The following QRFPR variants were observed in gnomAD, a reference collection of about 807,000 sequenced individuals.
QRFPR encodes pyroglutamylated RFamide peptide receptor, also known as pyroglutamylated RF-amide peptide receptor.
In QRFPR, 37 loss-of-function variants were observed where a neutral mutation model predicts 31.3. That is an observed-to-expected ratio of 1.18 (90% CI 0.91 to 1.56). QRFPR has a LOEUF of 1.56. QRFPR is among the 40% of genes most tolerant of loss of function. QRFPR has a pLI of 0.00. For synonymous variants in QRFPR, 197 were observed against 192.0 expected, an observed-to-expected ratio of 1.03 and a Z score of -0.22; for missense variants, 542 against 532.5, an observed-to-expected ratio of 1.02 and a Z score of -0.18.
chr4:121,358,509 C>T (rs1466415287), intron 1 of QRFPR, among the ~76,000 whole-genome samples: 1 of 152,124 alleles, frequency 6.6e-6, no homozygotes, highest in Non-Finnish European at 1.5e-5. Flanking sequence ...AACTTCCATA[C>T]ATATTTTATT....
At chr4:121,341,950 T>G (rs1725550916) in intron 1 of QRFPR, among the ~76,000 whole-genome samples, 1 of 152,174 alleles carries the variant, frequency 6.6e-6, no homozygotes, top group African/African-American at 2.4e-5. Flanking sequence ...GTCACTGTGA[T>G]GGTTAACTCT....
In QRFPR at chr4:121,330,390, G is replaced by A. The variant is rs767568403; in HGVS notation, c.895+36C>T. 4 of 1,379,136 alleles carry A rather than the reference G, an allele frequency of 2.9e-6. No homozygotes were observed. The African/African-American group carries it at 4.3e-5, about 15-fold the overall frequency. The allele number at this position is 1,379,136 out of a possible 1,614,324, so 85.4% of individuals were successfully genotyped here. A position where few individuals can be genotyped will look rare whatever the true frequency, so the allele number is the denominator to read the frequency against. Reference sequence around the variant, plus strand: ...TTGTCTATTCTAGCAGGAAATGAATGAGAATGTCTATCAAATGAGAATGAC... The same window carrying A: ...TTGTCTATTCTAGCAGGAAATGAATAAGAATGTCTATCAAATGAGAATGAC... On this transcript the variant is annotated intron_variant, in intron 5 of 5. Coordinates refer to ENST00000394427, the MANE Select transcript of QRFPR (RefSeq NM_198179.3).
intron 1 of QRFPR, among the ~76,000 whole-genome samples, chr4:121,348,567 C>T (rs1195972177): frequency 6.6e-6 from 1 of 151,926 alleles, no homozygotes; most frequent in Non-Finnish European, 1.5e-5. Context: ...AATTTCATGG[C>T]TTCTCATTTC....
intron 1 of QRFPR, among the ~76,000 whole-genome samples, chr4:121,343,444 C>A (rs527800573): frequency 6.6e-6 from 1 of 152,148 alleles, no homozygotes; most frequent in East Asian, 1.9e-4. Context: ...TTTCCCAAAA[C>A]AAAATCCTGT....
intron 1 of QRFPR, among the ~76,000 whole-genome samples, chr4:121,368,157 A>C (rs1487305536): frequency 6.7e-6 from 1 of 149,760 alleles, no homozygotes; most frequent in Admixed American, 6.6e-5. Flanking sequence ...GCATAAAGGG[A>C]TGAGGCTCAT....
chr4:121,348,414 CTTT>C (rs1351687273), intron 1 of QRFPR, among the ~76,000 whole-genome samples: 1 of 152,014 alleles, frequency 6.6e-6, no homozygotes, highest in African/African-American at 2.4e-5. Flanking sequence ...AGTGTTTGTT[CTTT>C]TAAGACTTCC....
Position 121,340,503 on chromosome 4 carries a change from G to T in QRFPR, c.448C>A (p.Pro150Thr). 1 of 1,614,048 alleles carries T rather than the reference G, an allele frequency of 6.2e-7. No individual in the cohort carries two copies. Among genetic ancestry groups the T allele is most frequent in the Non-Finnish European group, 8.5e-7 (1 of 1,179,962 alleles). Reference sequence around the variant, plus strand: ...GTGTATTGCCACTTCATTTTAAAAGGATGCACAAGTCCCTGGTGCCTTTCC... The same window carrying T: ...GTGTATTGCCACTTCATTTTAAAAGTATGCACAAGTCCCTGGTGCCTTTCC... ...AVERHQGLVH[P>T]FKMKWQYTNR... The change falls in exon 2 of 6, where the codon CCT becomes ACT. Residue 150 changes from proline (P) to threonine (T), a missense_variant. Pro to Thr is a conservative substitution (Grantham distance 38). Transcript: ENST00000394427.
Position 121,344,864 on chromosome 4 carries a change from T to C in QRFPR, c.341-4254A>G, listed in dbSNP as rs367849502. Among the ~76,000 whole-genome samples the C allele has an allele frequency of 1.7e-4, 26 of 152,334 alleles. No individual in the cohort carries two copies. The East Asian group carries it at 2.3e-3, about 14-fold the overall frequency. Reference sequence around the variant, plus strand: ...CAATGTGAATTGTATGGGTCTAAATTATTTGTAAGAATGTGTCTTTTGTGA... The same window carrying C: ...CAATGTGAATTGTATGGGTCTAAATCATTTGTAAGAATGTGTCTTTTGTGA... On this transcript the variant is annotated intron_variant, in intron 1 of 5. Transcript: ENST00000394427.
At position 121,380,923 on chromosome 4, in the gene QRFPR, C is replaced by T. The variant is rs1726482596; in HGVS notation, c.-276G>A. The stretch of plus-strand genomic sequence containing the variant: ...GTTCGCGGTTCAAATAAAGTTCTTC[C>T]CTTGCTCTTCCCTAAGGCGAGGCGC... On this transcript the variant is annotated 5_prime_UTR_variant, in exon 1 of 6. Transcript: ENST00000394427. 8.9e-6 allele frequency: 4 copies of T among 448,532 alleles called. No homozygotes were observed. Among genetic ancestry groups the T allele is most frequent in the African/African-American group, 2.0e-5 (1 of 49,664 alleles). The allele number at this position is 448,532 out of a possible 1,614,324, so 27.8% of individuals were successfully genotyped here.
chr4:121,380,097 GT>G (rs1726443690), intron 1 of QRFPR, among the ~76,000 whole-genome samples: 1 of 151,672 alleles, frequency 6.6e-6, no homozygotes, highest in African/African-American at 2.4e-5. Context: ...GTGAACACAG[GT>G]GGCGAAGTTC....
intron 1 of QRFPR, among the ~76,000 whole-genome samples, chr4:121,343,387 A>G (rs1476520076): frequency 6.6e-6 from 1 of 152,208 alleles, no homozygotes; most frequent in African/African-American, 2.4e-5. Flanking sequence ...GGGGCTCCAA[A>G]TGGCAACCCA....
intron 1 of QRFPR, among the ~76,000 whole-genome samples, chr4:121,379,150 T>C (rs187528271): frequency 6.6e-6 from 1 of 152,338 alleles, no homozygotes; most frequent in Non-Finnish European, 1.5e-5. Context: ...GTCAATGCTC[T>C]GTACTCAATG....
At chr4:121,365,899 A>G (rs781588781) in intron 1 of QRFPR, among the ~76,000 whole-genome samples, 3 of 146,580 alleles carry the variant, frequency 2.0e-5, no homozygotes, top group Admixed American at 6.9e-5. Context: ...ACAGACTTCT[A>G]TGAATATGTA....
chr4:121,357,866 G>A (rs1477340073), intron 1 of QRFPR, among the ~76,000 whole-genome samples: 2 of 152,172 alleles, frequency 1.3e-5, no homozygotes, highest in East Asian at 3.9e-4. Context: ...TTCAGGGGGA[G>A]AGGATATTCT....
At chr4:121,340,994 A>G (rs1725533847) in intron 1 of QRFPR, among the ~76,000 whole-genome samples, 2 of 152,168 alleles carry the variant, frequency 1.3e-5, no homozygotes, top group African/African-American at 4.8e-5. Flanking sequence ...GCTTCCTGGC[A>G]AATCACAACA....
At chr4:121,333,965 T>C (rs1725385981) in intron 3 of QRFPR, among the ~76,000 whole-genome samples, 1 of 152,196 alleles carries the variant, frequency 6.6e-6, no homozygotes, top group African/African-American at 2.4e-5. Context: ...CAGCAACTTT[T>C]TGGTTACTCA....
At chr4:121,354,330 C>T (rs1725823533) in intron 1 of QRFPR, among the ~76,000 whole-genome samples, 1 of 150,850 alleles carries the variant, frequency 6.6e-6, no homozygotes, top group Non-Finnish European at 1.5e-5. Flanking sequence ...TTGATTCTTC[C>T]AACCCATGAA....
At chr4:121,366,225 A>C (rs1258039967) in intron 1 of QRFPR, among the ~76,000 whole-genome samples, 1 of 149,960 alleles carries the variant, frequency 6.7e-6, no homozygotes, top group Non-Finnish European at 1.5e-5. Flanking sequence ...GCCTGGCACC[A>C]GTATTTCCAG....
intron 3 of QRFPR, among the ~76,000 whole-genome samples, chr4:121,333,298 A>G (rs919641805): frequency 2.6e-5 from 4 of 152,226 alleles, no homozygotes; most frequent in Admixed American, 6.5e-5. Context: ...TCAGGTCCAT[A>G]GCCTGTTTAC....
Sources: allele counts gnomAD v4.1 joint callset (sites outside exome capture counted in the v4.1 genomes callset), GRCh38; gene constraint gnomAD v4.1.1; transcripts MANE v1.5; gene names NCBI Gene and HGNC (gene_info 2026-07-23, HGNC 2026-07-21).